PCDH9: variants seen among roughly 807,000 people sequenced by gnomAD.
PCDH9 encodes protocadherin 9, also known as protocadherin-9.
Under a neutral mutation model 70.6 loss-of-function variants are expected in PCDH9, and 24 were observed. The ratio of observed to expected loss-of-function variants is 0.34; its 90% CI spans 0.25 to 0.48. PCDH9 has a LOEUF of 0.48. PCDH9 is among the 20% of genes least tolerant of loss of function. PCDH9 has a pLI of 0.99. For missense variants in PCDH9, 1,281 were observed against 1,503.6 expected (o/e 0.85, Z 2.45); for synonymous variants, 562 against 558.5 (o/e 1.01, Z -0.09).
intron 2 of PCDH9, among the ~76,000 whole-genome samples, chr13:66,941,659 G>C (rs1259126834): frequency 2.0e-5 from 3 of 151,940 alleles, no homozygotes; most frequent in East Asian, 3.9e-4. Flanking sequence ...AGGAATATGA[G>C]AGACCATTTC....
chr13:66,676,512 C>T (rs960628659), intron 3 of PCDH9, among the ~76,000 whole-genome samples: 2 of 152,034 alleles, frequency 1.3e-5, no homozygotes. Flanking sequence ...TTAAGATATA[C>T]GCTTCAAACT....
At chr13:66,377,560 TAA>T (rs1478247765) in intron 4 of PCDH9, among the ~76,000 whole-genome samples, 3 of 152,196 alleles carry the variant, frequency 2.0e-5, no homozygotes, top group Non-Finnish European at 4.4e-5. Flanking sequence ...ACTCAATATA[TAA>T]GTTAACCACT....
Position 66,304,260 on chromosome 13 carries a change from C to CAAAAAAAAAAAA in PCDH9, c.*383_*394dup, listed in dbSNP as rs55837718. The CAAAAAAAAAAAA allele has an allele frequency of 1.2e-3, 76 of 65,362 alleles. 3 individuals are homozygous for CAAAAAAAAAAAA. The highest frequency in any genetic ancestry group is 1.4e-3 in the Non-Finnish European group (50 of 36,828). The allele number at this position is 65,362 out of a possible 1,614,324, so 4.0% of individuals were successfully genotyped here. A position where few individuals can be genotyped will look rare whatever the true frequency, so the allele number is the denominator to read the frequency against. ...TAGCAGTCCCAGCACAAATCAATGA[C>CAAAAAAAAAAAA]AAAAAAAAAAAAAAAAAAAAAAAAA... On this transcript the variant is annotated 3_prime_UTR_variant, in exon 5 of 5. Coordinates refer to ENST00000377865, the MANE Select transcript of PCDH9 (RefSeq NM_203487.3).
At chr13:66,425,575 C>T (rs1957655016) in intron 4 of PCDH9, among the ~76,000 whole-genome samples, 1 of 150,812 alleles carries the variant, frequency 6.6e-6, no homozygotes. Context: ...AAAAAAAATA[C>T]CTTTGACTGT....
At chr13:66,547,745 C>T (rs546329421) in intron 4 of PCDH9, among the ~76,000 whole-genome samples, 4 of 151,468 alleles carry the variant, frequency 2.6e-5, no homozygotes, top group Non-Finnish European at 4.4e-5. Context: ...ATTTCCCCTT[C>T]GGTATAATAG....
intron 2 of PCDH9, chr13:66,914,922 G>T (rs970086435): frequency 6.6e-6 from 1 of 151,576 alleles, no homozygotes; most frequent in Non-Finnish European, 1.5e-5. Flanking sequence ...ATGTGTGTGT[G>T]TTTTTTTCCT....
At chr13:66,693,293 T>A (rs1330697169) in intron 3 of PCDH9, among the ~76,000 whole-genome samples, 1 of 152,114 alleles carries the variant, frequency 6.6e-6, no homozygotes, top group East Asian at 1.9e-4. Flanking sequence ...TTCAAATATA[T>A]ATTGATTATA....
At chr13:66,680,644 GTTTCGATTAA>G (rs2078306547) in intron 3 of PCDH9, among the ~76,000 whole-genome samples, 1 of 151,722 alleles carries the variant, frequency 6.6e-6, no homozygotes. Context: ...ATAATTTCCT[GTTTCGATTAA>G]TGGCATTTCA....
Position 66,534,443 on chromosome 13 carries a change from T to A in PCDH9, c.3340+96767A>T, listed in dbSNP as rs148047510. Among the ~76,000 whole-genome samples, 1,143 of 152,212 alleles carry A rather than the reference T, an allele frequency of 7.5e-3. 9 individuals carry two copies. Among genetic ancestry groups the A allele is most frequent in the Middle Eastern group, 0.017 (5 of 294 alleles). On this transcript the variant is annotated intron_variant, in intron 4 of 4. Transcript: ENST00000377865. ...TTAGTGTGCAGAATGCTGATTTATCTTTGTATCCCCATGTGGCAGAAAGAG... is the reference window on the plus strand; with the variant it reads ...TTAGTGTGCAGAATGCTGATTTATCATTGTATCCCCATGTGGCAGAAAGAG...
At chr13:66,856,021 G>T (rs951784538) in intron 3 of PCDH9, among the ~76,000 whole-genome samples, 1 of 151,810 alleles carries the variant, frequency 6.6e-6, no homozygotes, top group African/African-American at 2.4e-5. Flanking sequence ...AATAGAGAAA[G>T]GTGGATTACT....
At chr13:67,188,073 G>A (rs748256705) in intron 2 of PCDH9, among the ~76,000 whole-genome samples, 1 of 152,028 alleles carries the variant, frequency 6.6e-6, no homozygotes, top group Admixed American at 6.6e-5. Flanking sequence ...AAAATTTCAT[G>A]AGAAATATAC....
chr13:66,538,995 T>C (rs1464399915), intron 4 of PCDH9, among the ~76,000 whole-genome samples: 3 of 152,160 alleles, frequency 2.0e-5, no homozygotes, highest in Non-Finnish European at 4.4e-5. Context: ...CATGTCTACA[T>C]TAATCTATGT....
chr13:67,119,597 A>G (rs1594537692), intron 2 of PCDH9, among the ~76,000 whole-genome samples: 1 of 152,276 alleles, frequency 6.6e-6, no homozygotes, highest in East Asian at 1.9e-4. Flanking sequence ...ATCAGGATGT[A>G]TGTGTGACTT....
chr13:66,411,332 G>C (rs1957365477), intron 4 of PCDH9, among the ~76,000 whole-genome samples: 1 of 152,144 alleles, frequency 6.6e-6, no homozygotes, highest in Non-Finnish European at 1.5e-5. Flanking sequence ...AGTTGTCCAG[G>C]CTGGAGTGCA....
At chr13:66,406,127 G>C (rs1265339059) in intron 4 of PCDH9, among the ~76,000 whole-genome samples, 1 of 152,112 alleles carries the variant, frequency 6.6e-6, no homozygotes, top group Non-Finnish European at 1.5e-5. Context: ...CTCTCTCTAA[G>C]AGGAAAAAAG....
chr13:66,309,498 T>C (rs915700151), intron 4 of PCDH9, among the ~76,000 whole-genome samples: 3 of 151,988 alleles, frequency 2.0e-5, no homozygotes, highest in African/African-American at 7.2e-5. Flanking sequence ...GAGAAAAACA[T>C]TGTTTTAAAA....
intron 2 of PCDH9, among the ~76,000 whole-genome samples, chr13:67,167,661 C>T (rs775124045): frequency 2.0e-5 from 3 of 152,168 alleles, no homozygotes; most frequent in Admixed American, 6.5e-5. Context: ...GGCCCAGTGT[C>T]AGCATCTATC....
chr13:66,747,195 C>CA (rs1307286936), intron 3 of PCDH9, among the ~76,000 whole-genome samples: 2 of 151,830 alleles, frequency 1.3e-5, no homozygotes, highest in African/African-American at 2.4e-5. Context: ...ACTAAAAATA[C>CA]AAAAAATTAG....
At chr13:66,906,661 A>G (rs1004724928) in intron 2 of PCDH9, among the ~76,000 whole-genome samples, 2 of 152,134 alleles carry the variant, frequency 1.3e-5, no homozygotes, top group African/African-American at 4.8e-5. Flanking sequence ...AAAATTTCTA[A>G]CTTACTGTTC....
Sources: allele counts gnomAD v4.1 joint callset (sites outside exome capture counted in the v4.1 genomes callset), GRCh38; gene constraint gnomAD v4.1.1; transcripts MANE v1.5; gene names NCBI Gene and HGNC (gene_info 2026-07-23, HGNC 2026-07-21).